LNX1: variants seen among roughly 807,000 people sequenced by gnomAD.
The protein encoded by LNX1 is ligand of numb-protein X 1, also known as E3 ubiquitin-protein ligase LNX.
Under a neutral mutation model 68.4 loss-of-function variants are expected in LNX1, and 54 were observed. That is an observed-to-expected ratio of 0.79 (90% CI 0.63 to 0.99). The LOEUF (loss-of-function observed/expected upper bound fraction) is 0.99, where lower values mean the gene tolerates loss of function less well. Among genes scored for constraint, LNX1 ranks in the 50% least tolerant of loss-of-function variants. LNX1 has a pLI of 0.00. For missense variants in LNX1, 906 were observed against 926.4 expected (o/e 0.98, Z 0.29); for synonymous variants, 336 against 350.0 (o/e 0.96, Z 0.45).
At chr4:53,629,804 C>T (rs1208799952) in intron 1 of LNX1, among the ~76,000 whole-genome samples, 1 of 152,118 alleles carries the variant, frequency 6.6e-6, no homozygotes, top group African/African-American at 2.4e-5. Context: ...TTGGATAGAG[C>T]CCTTCTGTTT....
At chr4:53,603,424 T>G (rs1733100642) in intron 2 of LNX1, 1 of 152,252 alleles carries the variant, frequency 6.6e-6, no homozygotes, top group Admixed American at 6.5e-5. Flanking sequence ...AGGGTGGATA[T>G]GCAGCTGGTG....
chr4:53,597,104 T>G (rs1488066693), intron 2 of LNX1, among the ~76,000 whole-genome samples: 2 of 152,184 alleles, frequency 1.3e-5, no homozygotes, highest in Admixed American at 1.3e-4. Flanking sequence ...CCTAAGGACC[T>G]GGCAAAACCA....
In LNX1 at chr4:53,573,988, C is replaced by T; in HGVS notation, c.15G>A (p.Glu5=). The change falls in exon 2 of 11, where the codon GAG becomes GAA. Residue 5 remains glutamate (E), a synonymous_variant. Transcript: ENST00000263925. ...ACAGGGGTTCAGGATCGTTGGCAGA[C>T]TCTGGCTGGTTCATGATGGATTGGA... MNQP[E]SANDPEPLCA... The T allele has an allele frequency of 3.1e-6, 5 of 1,611,684 alleles. No homozygotes were observed. The South Asian group carries it at 5.5e-5, about 18-fold the overall frequency.
In LNX1 at chr4:53,492,942, T is replaced by C. The variant is rs536769244; in HGVS notation, c.1350+3081A>G. On this transcript the variant is annotated intron_variant, in intron 6 of 10. Coordinates refer to ENST00000263925, the MANE Select transcript of LNX1 (RefSeq NM_001126328.3). ...TGAGGTGGGCACATGAATTTGGGAATAGATGGCATACACCTCAGAAGGAAA... is the reference window on the plus strand; with the variant it reads ...TGAGGTGGGCACATGAATTTGGGAACAGATGGCATACACCTCAGAAGGAAA... Among the ~76,000 whole-genome samples the C allele has an allele frequency of 3.8e-4, 58 of 152,188 alleles. No individual in the cohort carries two copies. The South Asian group carries it at 4.6e-3, about 12-fold the overall frequency.
intron 2 of LNX1, among the ~76,000 whole-genome samples, chr4:53,538,615 T>C (rs1336836534): frequency 1.3e-5 from 2 of 152,244 alleles, no homozygotes; most frequent in Non-Finnish European, 2.9e-5. Flanking sequence ...CCTAGTATCA[T>C]GGCATGCATT....
chr4:53,472,068 C>G (rs1347161525), intron 9 of LNX1, among the ~76,000 whole-genome samples: 5 of 152,130 alleles, frequency 3.3e-5, no homozygotes, highest in Non-Finnish European at 7.3e-5. Flanking sequence ...TTCACAATAA[C>G]AAAGACTTGG....
At chr4:53,575,569 C>A (rs993725713) in intron 1 of LNX1, 36 of 1,258,220 alleles carry the variant, frequency 2.9e-5, no homozygotes, top group Non-Finnish European at 3.6e-5. Context: ...CAAACTAGGG[C>A]TCTGGGTCAA....
At chr4:53,497,504 A>T (rs1185954719) in intron 5 of LNX1, among the ~76,000 whole-genome samples, 3 of 152,250 alleles carry the variant, frequency 2.0e-5, no homozygotes, top group Non-Finnish European at 4.4e-5. Flanking sequence ...GTCCAAGCAC[A>T]GGTGAGGAGA....
chr4:53,525,069 C>T (rs1222780009), intron 2 of LNX1, among the ~76,000 whole-genome samples: 2 of 152,158 alleles, frequency 1.3e-5, no homozygotes, highest in Non-Finnish European at 2.9e-5. Flanking sequence ...CATTGGATAG[C>T]CTTTTACAAC....
At chr4:53,463,103 T>C (rs1240981727) in intron 9 of LNX1, among the ~76,000 whole-genome samples, 5 of 152,132 alleles carry the variant, frequency 3.3e-5, no homozygotes, top group Admixed American at 1.3e-4. Flanking sequence ...TTCTTTAAAA[T>C]AGATAAATGA....
At chr4:53,609,362 A>G (rs949640588) in intron 2 of LNX1, among the ~76,000 whole-genome samples, 3 of 151,790 alleles carry the variant, frequency 2.0e-5, no homozygotes, top group Admixed American at 1.3e-4. Flanking sequence ...AATTTAATTA[A>G]AAAGAAAATA....
At chr4:53,559,573 G>C (rs75947364) in intron 2 of LNX1, among the ~76,000 whole-genome samples, 235 of 152,310 alleles carry the variant, frequency 1.5e-3, no homozygotes, top group African/African-American at 5.4e-3. Flanking sequence ...TTAACTCAGA[G>C]TGCTAGTAAG....
At chr4:53,644,243 A>T (rs1247123522) in intron 1 of LNX1, among the ~76,000 whole-genome samples, 2 of 152,158 alleles carry the variant, frequency 1.3e-5, no homozygotes, top group Non-Finnish European at 2.9e-5. Context: ...TCTACTAAAA[A>T]TACAAAAATT....
rs1726040129 is a variant in LNX1 at position 53,508,014 on chromosome 4, C to T, written c.594G>A (p.Val198=). Residue 198 remains valine (V), a synonymous_variant, in exon 3 of 11, where the codon GTG becomes GTA. Coordinates refer to ENST00000263925, the MANE Select transcript of LNX1 (RefSeq NM_001126328.3). The part of the protein sequence containing the change: ...AEDGQPAISP[V]DSGRSNRTRA... ...TAGTTCGGTTGCTCCGGCCAGAGTC[C>T]ACTGGGCTGATTGCTGGCTGCCCGT... 1 of 1,613,986 alleles carries T rather than the reference C, an allele frequency of 6.2e-7. No individual in the cohort carries two copies. Among genetic ancestry groups the T allele is most frequent in the African/African-American group, 1.3e-5 (1 of 74,918 alleles).
intron 2 of LNX1, among the ~76,000 whole-genome samples, chr4:53,569,037 T>C (rs1449990874): frequency 2.0e-5 from 3 of 150,504 alleles, no homozygotes; most frequent in Non-Finnish European, 4.5e-5. Flanking sequence ...GGAAGAACAT[T>C]CCATGCTCAT....
intron 4 of LNX1, among the ~76,000 whole-genome samples, chr4:53,506,856 T>TTAAAAAAAAAAAAAAAAAAAAAAA (rs1725916959): frequency 1.8e-5 from 1 of 54,204 alleles, no homozygotes; most frequent in African/African-American, 6.2e-5. Flanking sequence ...AAACTCTGTC[T>TTAAAAAAAAAAAAAAAAAAAAAAA]AAAAAAAAAA....
chr4:53,460,055 A>AAATT lies in LNX1; in HGVS notation c.*848_*851dup, dbSNP rs5858213. 5.1e-6 allele frequency: 1 copy of AAATT among 197,220 alleles called. No homozygotes were observed. The highest frequency in any genetic ancestry group is 6.1e-5 in the Admixed American group (1 of 16,498). 12.2% of individuals were successfully genotyped at this position (197,220 alleles called of 1,614,324 possible). A position where few individuals can be genotyped will look rare whatever the true frequency, so the allele number is the denominator to read the frequency against. Reference sequence around the variant, plus strand: ...GGCATCTGGGTGGCCTCTATGAAATAAATTAATTAATTACCCATAGTGTAG... The same window carrying AAATT: ...GGCATCTGGGTGGCCTCTATGAAATAAATTAATTAATTAATTACCCATAGTGTAG... On this transcript the variant is annotated 3_prime_UTR_variant, in exon 11 of 11. Coordinates refer to ENST00000263925, the MANE Select transcript of LNX1 (RefSeq NM_001126328.3).
intron 1 of LNX1, among the ~76,000 whole-genome samples, chr4:53,576,698 C>G (rs1731512288): frequency 6.6e-6 from 1 of 151,944 alleles, no homozygotes; most frequent in Non-Finnish European, 1.5e-5. Flanking sequence ...TCCTCTTTTC[C>G]AAAAGTAAAT....
rs1254761245 is a variant in LNX1 at position 53,573,650 on chromosome 4, C to T, written c.353G>A (p.Cys118Tyr). 1 of 1,604,918 alleles carries T rather than the reference C, an allele frequency of 6.2e-7. No homozygotes were observed. Among genetic ancestry groups the T allele is most frequent in the Non-Finnish European group, 8.5e-7 (1 of 1,176,036 alleles). The change falls in exon 2 of 11, where the codon TGT (cysteine) becomes TAT (tyrosine). Residue 118 changes from cysteine (C) to tyrosine (Y), a missense_variant. By Grantham distance (194) the Cys-to-Tyr change is radical. Transcript: ENST00000263925. The part of the protein sequence containing the change: ...REHCTQVLQR[C>Y]DLEHHFQTSC... ...GGTTTGAAAGTGATGCTCGAGGTCA[C>T]AGCGCTGCAACACCTGGGTGCAGTG...
Sources: gnomAD v4.1 joint callset for allele counts (sites outside exome capture counted in the v4.1 genomes callset) on GRCh38, gnomAD v4.1.1 for gene constraint, MANE v1.5 for transcripts, NCBI Gene and HGNC (gene_info 2026-07-23, HGNC 2026-07-21) for gene names.